EFNA5: variants seen among roughly 807,000 people sequenced by gnomAD.
The protein encoded by EFNA5 is ephrin-A5.
Under a neutral mutation model 22.9 loss-of-function variants are expected in EFNA5, and 5 were observed. The ratio of observed to expected loss-of-function variants is 0.22; its 90% confidence interval spans 0.11 to 0.46. The LOEUF is 0.46. Ranked by LOEUF, EFNA5 falls within the 20% of genes least tolerant of loss-of-function variation. The pLI is 0.99. For missense variants in EFNA5, 237 were observed against 293.3 expected, an observed-to-expected ratio of 0.81 and a Z score of 1.40; for synonymous variants, 113 against 112.2, an observed-to-expected ratio of 1.01 and a Z score of -0.04.
chr5:107,606,359 A>T (rs925307437), intron 1 of EFNA5, among the ~76,000 whole-genome samples: 1 of 152,168 alleles, frequency 6.6e-6, no homozygotes, highest in African/African-American at 2.4e-5. Context: ...CTTTTAAAAT[A>T]GCTTTTCTCT....
chr5:107,436,524 T>C (rs887912994), intron 1 of EFNA5, among the ~76,000 whole-genome samples: 1 of 152,172 alleles, frequency 6.6e-6, no homozygotes, highest in Non-Finnish European at 1.5e-5. Flanking sequence ...GCAATCAGTA[T>C]AGTCCTAACA....
At chr5:107,395,034 C>CTTTTTTCTTTT (rs1747883858) in intron 2 of EFNA5, among the ~76,000 whole-genome samples, 1 of 86,142 alleles carries the variant, frequency 1.2e-5, no homozygotes, top group Non-Finnish European at 2.2e-5. Context: ...ATTTCTAGTT[C>CTTTTTTCTTTT]TTTTTTTTTT....
chr5:107,465,507 A>G (rs1177589815), intron 1 of EFNA5, among the ~76,000 whole-genome samples: 1 of 152,174 alleles, frequency 6.6e-6, no homozygotes, highest in Non-Finnish European at 1.5e-5. Flanking sequence ...TGCCTCTTAA[A>G]GCATGAGCCA....
intron 1 of EFNA5, among the ~76,000 whole-genome samples, chr5:107,445,958 A>G (rs968632211): frequency 2.6e-5 from 4 of 152,232 alleles, no homozygotes; most frequent in Non-Finnish European, 5.9e-5. Flanking sequence ...AGAATAAACA[A>G]CTATTTTATT....
At chr5:107,608,414 A>G (rs920739544) in intron 1 of EFNA5, among the ~76,000 whole-genome samples, 2 of 152,228 alleles carry the variant, frequency 1.3e-5, no homozygotes, top group African/African-American at 4.8e-5. Flanking sequence ...AGCCTCATTC[A>G]TCGTAAAAAT....
intron 1 of EFNA5, among the ~76,000 whole-genome samples, chr5:107,598,222 GTTA>G (rs1749514010): frequency 6.6e-6 from 1 of 152,094 alleles, no homozygotes; most frequent in African/African-American, 2.4e-5. Flanking sequence ...AAGACACAGT[GTTA>G]TTATTCACAT....
chr5:107,409,230 C>T (rs1675032750), intron 2 of EFNA5, among the ~76,000 whole-genome samples: 3 of 152,184 alleles, frequency 2.0e-5, no homozygotes, highest in Admixed American at 6.5e-5. Flanking sequence ...GGATCACCAG[C>T]GCTAGAAGCA....
Position 107,583,681 on chromosome 5 carries a change from C to A in EFNA5, c.125+86808G>T, listed in dbSNP as rs563782138. Among the ~76,000 whole-genome samples, 251 of 152,254 alleles carry A rather than the reference C, an allele frequency of 1.6e-3. 2 individuals carry two copies. The highest frequency in any genetic ancestry group is 5.9e-3 in the African/African-American group (244 of 41,550). On this transcript the variant is annotated intron_variant, in intron 1 of 4. Coordinates refer to ENST00000333274, the MANE Select transcript of EFNA5 (RefSeq NM_001962.3). The stretch of plus-strand genomic sequence containing the variant: ...AAAAAGGATCTACATAATGGGACGT[C>A]AGCACTGTTAGGGAAAATTGGTTTA...
chr5:107,425,115 T>C (rs1748776644), intron 2 of EFNA5, among the ~76,000 whole-genome samples: 1 of 152,256 alleles, frequency 6.6e-6, no homozygotes, highest in Non-Finnish European at 1.5e-5. Context: ...ATGACTCCGT[T>C]AAATGAATGT....
intron 1 of EFNA5, among the ~76,000 whole-genome samples, chr5:107,601,985 G>C (rs1749605915): frequency 1.3e-5 from 2 of 152,094 alleles, no homozygotes; most frequent in African/African-American, 4.8e-5. Flanking sequence ...CAGGCTTATT[G>C]CATGTATTTA....
At chr5:107,440,576 T>A (rs746605058) in intron 1 of EFNA5, among the ~76,000 whole-genome samples, 1 of 152,184 alleles carries the variant, frequency 6.6e-6, no homozygotes, top group Admixed American at 6.5e-5. Context: ...TCCATACCCA[T>A]GAAAACTCAG....
rs531717436 is a variant in EFNA5 at position 107,504,762 on chromosome 5, T to C, written c.126-77253A>G. On this transcript the variant is annotated intron_variant, in intron 1 of 4. Coordinates refer to ENST00000333274, the MANE Select transcript of EFNA5 (RefSeq NM_001962.3). ...ATTTAGGCACCAAGCTTAAAAGGTC[T>C]GGCACATGTTTGTGAAAGTACAATT... Among the ~76,000 whole-genome samples, 22 of 152,370 alleles carry C rather than the reference T, an allele frequency of 1.4e-4. No individual in the cohort carries two copies. In the South Asian group the frequency reaches 4.6e-3, roughly 32 times the overall value.
chr5:107,591,912 A>ATATTATAT lies in EFNA5; in HGVS notation c.125+78576_125+78577insATATAATA, dbSNP rs1328151204. ...TATATTATATATAATATATAATATA[A>ATATTATAT]AAAATATATATATAATATATAATAT... On this transcript the variant is annotated intron_variant, in intron 1 of 4. Coordinates refer to ENST00000333274, the MANE Select transcript of EFNA5 (RefSeq NM_001962.3). Among the ~76,000 whole-genome samples, 63 of 7,138 alleles carry ATATTATAT rather than the reference A, an allele frequency of 8.8e-3. 6 individuals are homozygous for ATATTATAT. In the African/African-American group the frequency reaches 0.088, roughly 10 times the overall value. The allele number at this position is 7,138 out of a possible 152,430, so 4.7% of individuals were successfully genotyped here. A position where few individuals can be genotyped will look rare whatever the true frequency, so the allele number is the denominator to read the frequency against.
At chr5:107,580,726 AAAAAAAAAAAAAAAGAAAAG>A (rs565317159) in intron 1 of EFNA5, among the ~76,000 whole-genome samples, 4 of 143,396 alleles carry the variant, frequency 2.8e-5, no homozygotes, top group Non-Finnish European at 6.1e-5. Context: ...CATCTCAAAA[AAAAAAAAAAAAAAAGAAAAG>A]AAAAGAAAAG....
chr5:107,482,836 C>CTG, intron 1 of EFNA5, among the ~76,000 whole-genome samples: 1 of 66,078 alleles, frequency 1.5e-5, no homozygotes, highest in East Asian at 5.0e-4. Flanking sequence ...GTCTCTGTCT[C>CTG]TCTCTCTCTC....
intron 1 of EFNA5, among the ~76,000 whole-genome samples, chr5:107,550,293 C>A (rs951013491): frequency 5.3e-5 from 8 of 152,218 alleles, no homozygotes; most frequent in Admixed American, 4.6e-4. Context: ...TTTAAAAGTT[C>A]TATTTTAATA....
chr5:107,486,321 AG>A (rs2112407294), intron 1 of EFNA5, among the ~76,000 whole-genome samples: 1 of 152,360 alleles, frequency 6.6e-6, no homozygotes, highest in African/African-American at 2.4e-5. Context: ...CTTCAGGAGT[AG>A]GACTGGTAAG....
intron 1 of EFNA5, among the ~76,000 whole-genome samples, chr5:107,575,209 A>T (rs12519552): frequency 6.6e-6 from 1 of 152,172 alleles, no homozygotes; most frequent in Non-Finnish European, 1.5e-5. Flanking sequence ...TCTGTAAGAA[A>T]TTATTCCACC....
At chr5:107,638,383 A>T (rs1750431543) in intron 1 of EFNA5, among the ~76,000 whole-genome samples, 1 of 152,210 alleles carries the variant, frequency 6.6e-6, no homozygotes, top group South Asian at 2.1e-4. Context: ...TTAGTCAAAG[A>T]ACACAAAATT....
Sources: allele counts gnomAD v4.1 joint callset (sites outside exome capture counted in the v4.1 genomes callset), GRCh38; gene constraint gnomAD v4.1.1; transcripts MANE v1.5; gene names NCBI Gene and HGNC (gene_info 2026-07-23, HGNC 2026-07-21).